The following MAN2A1 variants were observed in gnomAD, a reference collection of about 807,000 sequenced individuals.
The protein encoded by MAN2A1 is alpha-mannosidase 2.
In MAN2A1, 76 loss-of-function variants were observed where a neutral mutation model predicts 142.6. The ratio of observed to expected loss-of-function variants is 0.53; its 90% CI spans 0.44 to 0.65. The LOEUF (loss-of-function observed/expected upper bound fraction) is 0.65, where lower values mean the gene tolerates loss of function less well. Among genes scored for constraint, MAN2A1 ranks in the 30% least tolerant of loss-of-function variants. The pLI is 0.00. For missense variants in MAN2A1, 1,311 were observed against 1,365.1 expected, an observed-to-expected ratio of 0.96 and a Z score of 0.62; for synonymous variants, 559 against 473.2, an observed-to-expected ratio of 1.18 and a Z score of -2.35.
intron 14 of MAN2A1, 77 bp from the exon 15 acceptor site, chr5:109,820,143 C>T: frequency 7.8e-7 from 1 of 1,277,420 alleles, no homozygotes; most frequent in South Asian, 1.4e-5. Context: ...TTTAAATTGT[C>T]ATATACATAG....
intron 3 of MAN2A1, among the ~76,000 whole-genome samples, chr5:109,719,221 G>T (rs780424239): frequency 1.1e-4 from 17 of 152,278 alleles, no homozygotes; most frequent in Non-Finnish European, 1.9e-4. Flanking sequence ...CTTAGTAAAA[G>T]ATGTTAATGA....
chr5:109,766,426 T>C (rs978404659), intron 5 of MAN2A1, among the ~76,000 whole-genome samples: 2 of 152,206 alleles, frequency 1.3e-5, no homozygotes, highest in African/African-American at 4.8e-5. Context: ...TTTTGACATA[T>C]GCTCTTTTTG....
chr5:109,717,151 T>G (rs1751479559), intron 3 of MAN2A1, among the ~76,000 whole-genome samples: 1 of 152,178 alleles, frequency 6.6e-6, no homozygotes, highest in Admixed American at 6.5e-5. Flanking sequence ...TATCTCGATT[T>G]CATGATTACT....
intron 4 of MAN2A1, among the ~76,000 whole-genome samples, chr5:109,749,300 A>G (rs1474923859): frequency 1.3e-5 from 2 of 152,146 alleles, no homozygotes; most frequent in African/African-American, 4.8e-5. Flanking sequence ...CTCAGAGAAA[A>G]TGATTTGCAG....
chr5:109,858,039 T>TA (rs1481693496), intron 20 of MAN2A1, among the ~76,000 whole-genome samples: 2 of 152,244 alleles, frequency 1.3e-5, no homozygotes, highest in Non-Finnish European at 2.9e-5. Flanking sequence ...TAATGACACT[T>TA]ACTCCAACTT....
At chr5:109,768,211 A>G (rs886537317) in intron 6 of MAN2A1, among the ~76,000 whole-genome samples, 1 of 148,156 alleles carries the variant, frequency 6.7e-6, no homozygotes, top group Admixed American at 6.7e-5. Context: ...CATTCTAAGG[A>G]TATACTTGTG....
At chr5:109,751,982 A>G (rs933731201) in intron 4 of MAN2A1, among the ~76,000 whole-genome samples, 1 of 152,042 alleles carries the variant, frequency 6.6e-6, no homozygotes, top group Non-Finnish European at 1.5e-5. Flanking sequence ...TGGATGTCAC[A>G]CTGTCATCAA....
chr5:109,740,558 A>T (rs1295199596), intron 4 of MAN2A1, among the ~76,000 whole-genome samples: 1 of 152,132 alleles, frequency 6.6e-6, no homozygotes, highest in East Asian at 1.9e-4. Context: ...TTCATTAAGG[A>T]GACTGCCTCT....
chr5:109,740,895 C>T (rs1025068184), intron 4 of MAN2A1, among the ~76,000 whole-genome samples: 1 of 152,068 alleles, frequency 6.6e-6, no homozygotes, highest in Admixed American at 6.6e-5. Flanking sequence ...GCAAATTTTC[C>T]TCCCCTCTCT....
intron 6 of MAN2A1, 104 bp from the exon 7 acceptor site, chr5:109,770,251 A>T: frequency 2.0e-5 from 21 of 1,029,984 alleles, no homozygotes; most frequent in Middle Eastern, 4.9e-4. Context: ...GATTTAGCAC[A>T]GAGCTAAATC....
chr5:109,829,464 C>T (rs552268996), intron 16 of MAN2A1, among the ~76,000 whole-genome samples: 6 of 152,296 alleles, frequency 3.9e-5, no homozygotes, highest in African/African-American at 1.2e-4. Flanking sequence ...CTTTGGGCCT[C>T]CAGAAAGTCA....
intron 12 of MAN2A1, among the ~76,000 whole-genome samples, chr5:109,807,835 G>A (rs2112707304): frequency 6.6e-6 from 1 of 152,260 alleles, no homozygotes; most frequent in African/African-American, 2.4e-5. Flanking sequence ...AATTTCCAGT[G>A]GAAAAATGGA....
At chr5:109,758,174 C>T (rs1449056030) in intron 5 of MAN2A1, among the ~76,000 whole-genome samples, 1 of 152,102 alleles carries the variant, frequency 6.6e-6, no homozygotes, top group African/African-American at 2.4e-5. Context: ...TCCGTATCTT[C>T]ACCAACATTT....
intron 4 of MAN2A1, among the ~76,000 whole-genome samples, 177 bp from the exon 5 acceptor site, chr5:109,755,152 G>T (rs1288613861): frequency 6.6e-6 from 1 of 152,176 alleles, no homozygotes; most frequent in Non-Finnish European, 1.5e-5. Context: ...GAGACACCGG[G>T]TGCTATCATG....
intron 12 of MAN2A1, among the ~76,000 whole-genome samples, chr5:109,798,461 ACTC>A (rs1424389377): frequency 6.6e-6 from 1 of 152,040 alleles, no homozygotes; most frequent in Non-Finnish European, 1.5e-5. Flanking sequence ...TTAAAACGGA[ACTC>A]CTCTTCCCTG....
intron 19 of MAN2A1, among the ~76,000 whole-genome samples, chr5:109,853,162 G>A (rs1443008167): frequency 2.0e-5 from 3 of 152,172 alleles, no homozygotes; most frequent in African/African-American, 7.2e-5. Context: ...TGCAAAGGTA[G>A]TTAAAAGGTA....
intron 20 of MAN2A1, among the ~76,000 whole-genome samples, chr5:109,857,294 G>T (rs1755649261): frequency 6.6e-6 from 1 of 152,218 alleles, no homozygotes; most frequent in Admixed American, 6.5e-5. Context: ...GAATTGTGTA[G>T]ATGTTTTTTC....
Position 109,869,215 on chromosome 5 carries a change from C to T in MAN2A1, c.*2217C>T, listed in dbSNP as rs1755954394. ...GGCACACACTAAAAACCATACACTT[C>T]AGTTGTGATCTCAGTGGCATATTTA... On this transcript the variant is annotated 3_prime_UTR_variant, in exon 22 of 22. Coordinates refer to ENST00000261483, the MANE Select transcript of MAN2A1 (RefSeq NM_002372.4). 2 of 152,170 alleles carry T rather than the reference C, an allele frequency of 1.3e-5. No homozygotes were observed. The highest frequency in any genetic ancestry group is 1.5e-5 in the Non-Finnish European group (1 of 68,020). 9.4% of individuals were successfully genotyped at this position (152,170 alleles called of 1,614,324 possible). A position where few individuals can be genotyped will look rare whatever the true frequency, so the allele number is the denominator to read the frequency against.
At chr5:109,768,123 C>G (rs891019727) in intron 6 of MAN2A1, among the ~76,000 whole-genome samples, 19 of 152,134 alleles carry the variant, frequency 1.2e-4, no homozygotes, top group Admixed American at 3.9e-4. Context: ...CTTTTTAAAG[C>G]CTTAATCCTG....
Sources: allele counts gnomAD v4.1 joint callset (sites outside exome capture counted in the v4.1 genomes callset), GRCh38; gene constraint gnomAD v4.1.1; transcripts MANE v1.5; gene names NCBI Gene and HGNC (gene_info 2026-07-23, HGNC 2026-07-21).